SPNS2: variants seen among roughly 807,000 people sequenced by gnomAD.
The protein encoded by SPNS2 is SPNS lysolipid transporter 2, sphingosine-1-phosphate, also known as sphingosine-1-phosphate transporter SPNS2.
Under a neutral mutation model 57.6 loss-of-function variants are expected in SPNS2, and 37 were observed. That is an observed-to-expected ratio of 0.64 (90% CI 0.49 to 0.85). The LOEUF is 0.85. Among genes scored for constraint, SPNS2 ranks in the 40% least tolerant of loss-of-function variants. The probability of loss-of-function intolerance (pLI) is 0.00; values close to 1 mark genes in which losing one functional copy is unlikely to be tolerated. For synonymous variants in SPNS2, 440 were observed against 346.9 expected (o/e 1.27, Z -2.98); for missense variants, 831 against 779.1 (o/e 1.07, Z -0.79).
At chr17:4,528,550 C>A (rs1388383371) in intron 3 of SPNS2, among the ~76,000 whole-genome samples, 1 of 152,018 alleles carries the variant, frequency 6.6e-6, no homozygotes, top group African/African-American at 2.4e-5. Flanking sequence ...GCAACCTCTG[C>A]CACCCCCTCC....
Position 4,530,636 on chromosome 17 carries a change from T to A in SPNS2, c.578T>A (p.Phe193Tyr), listed in dbSNP as rs200919125. ...ATCCTCCACCCCTCCTCACAGTACT[T>A]CTGGCTGCTGGTCCTGTCCCGGGGG... ...FSSSFIPQQY[F>Y]WLLVLSRGLV... is the part of the protein sequence containing the mutation. Residue 193 changes from phenylalanine (F) to tyrosine (Y), a missense_variant, in exon 4 of 13, where the codon TTC becomes TAC. By Grantham distance (22) the Phe-to-Tyr change is conservative. This residue lies in a region of SPNS2 where 305 missense variants were observed against 378.3 expected (regional missense o/e 0.81). Transcript: ENST00000329078. 9.9e-6 allele frequency: 16 copies of A among 1,611,664 alleles called. No homozygotes were observed. Among genetic ancestry groups the A allele is most frequent in the African/African-American group, 1.3e-5 (1 of 74,962 alleles).
Position 4,533,288 on chromosome 17 carries a change from G to A in SPNS2, c.1134G>A (p.Val378=), listed in dbSNP as rs537711988. Residue 378 remains valine (V), a synonymous_variant, in exon 8 of 13, where the codon GTG becomes GTA. Transcript: ENST00000329078. ...AITCFTGFLG[V]VTGAGATRWC... Reference sequence around the variant, plus strand: ...CCTGCTTTACGGGATTTCTGGGCGTGGTCACGGGGGCAGGAGCCACGCGCT... The same window carrying A: ...CCTGCTTTACGGGATTTCTGGGCGTAGTCACGGGGGCAGGAGCCACGCGCT... 5.0e-6 allele frequency: 8 copies of A among 1,610,536 alleles called. No individual in the cohort carries two copies. The African/African-American group carries it at 9.3e-5, about 19-fold the overall frequency.
rs1906064728 is a variant in SPNS2, at chr17:4,539,012, GAAGA to G, written c.*1567_*1570del. ...AGCCAAATATATTCCTCTTGTAAATGAAGAAATAAACCTATTTAAATCACCCCCT... is the reference window on the plus strand; with the variant it reads ...AGCCAAATATATTCCTCTTGTAAATGAATAAACCTATTTAAATCACCCCCT... On this transcript the variant is annotated 3_prime_UTR_variant, in exon 13 of 13. Transcript: ENST00000329078. The G allele has an allele frequency of 2.4e-6, 2 of 821,496 alleles. No homozygotes were observed. Among genetic ancestry groups the G allele is most frequent in the South Asian group, 1.3e-5 (1 of 75,344 alleles). The allele number at this position is 821,496 out of a possible 1,614,324, so 50.9% of individuals were successfully genotyped here. A position where few individuals can be genotyped will look rare whatever the true frequency, so the allele number is the denominator to read the frequency against.
intron 9 of SPNS2, 62 bp downstream of exon 9, chr17:4,533,915 G>GGGT: frequency 7.0e-7 from 1 of 1,428,222 alleles, no homozygotes; most frequent in Non-Finnish European, 9.8e-7. Context: ...CCTCACAGGG[G>GGGT]TGCCTGGGGA....
chr17:4,537,108 G>A (rs943167890), intron 12 of SPNS2, among the ~76,000 whole-genome samples, 162 bp downstream of exon 12: 3 of 152,266 alleles, frequency 2.0e-5, no homozygotes, highest in Non-Finnish European at 4.4e-5. Context: ...TACTGATGGA[G>A]CCATGGGTGG....
intron 3 of SPNS2, among the ~76,000 whole-genome samples, chr17:4,525,864 GCC>G (rs1905251812): frequency 1.3e-5 from 2 of 152,188 alleles, no homozygotes; most frequent in South Asian, 4.1e-4. Context: ...CGAGTGCTCA[GCC>G]AGTCATTGTT....
chr17:4,500,470 G>C (rs1306644509), intron 1 of SPNS2, among the ~76,000 whole-genome samples: 1 of 152,092 alleles, frequency 6.6e-6, no homozygotes, highest in Non-Finnish European at 1.5e-5. Context: ...AAGGACTTTG[G>C]CCAGACTGGC....
In SPNS2 at chr17:4,533,780, C is replaced by G; in HGVS notation, c.1279-8C>G. 6.2e-7 allele frequency: 1 copy of G among 1,613,672 alleles called. No homozygotes were observed. Among genetic ancestry groups the G allele is most frequent in the African/African-American group, 1.3e-5 (1 of 75,038 alleles). On this transcript the variant is annotated splice_polypyrimidine_tract_variant and splice_region_variant and intron_variant, in intron 8 of 12. Transcript: ENST00000329078. Reference sequence around the variant, plus strand: ...CCGCTGATGGTGGCTTTGCCTTCTCCCCGGCAGATCTGTATCTTCGTCGGG... The same window carrying G: ...CCGCTGATGGTGGCTTTGCCTTCTCGCCGGCAGATCTGTATCTTCGTCGGG...
intron 2 of SPNS2, among the ~76,000 whole-genome samples, chr17:4,520,116 C>T (rs906708129): frequency 3.3e-5 from 5 of 152,242 alleles, no homozygotes; most frequent in African/African-American, 1.2e-4. Context: ...GGGCAACTTC[C>T]TCCACCTCTT....
chr17:4,523,073 C>T lies in SPNS2; in HGVS notation c.437-1984C>T, dbSNP rs557908737. Among the ~76,000 whole-genome samples the T allele has an allele frequency of 4.6e-5, 7 of 152,368 alleles. No homozygotes were observed. In the East Asian group the frequency reaches 1.2e-3, roughly 25 times the overall value. Reference sequence around the variant, plus strand: ...GGCCTAGGCACTTGCTGTTCTTGCCCCAATAATTGCGTGATTTGTTTCCTT... The same window carrying T: ...GGCCTAGGCACTTGCTGTTCTTGCCTCAATAATTGCGTGATTTGTTTCCTT... On this transcript the variant is annotated intron_variant, in intron 2 of 12. Transcript: ENST00000329078.
chr17:4,536,579 C>T (rs942220695), intron 11 of SPNS2, 153 bp downstream of exon 11: 8 of 996,684 alleles, frequency 8.0e-6, no homozygotes, highest in Non-Finnish European at 1.2e-5. Flanking sequence ...CCCTGAGGCC[C>T]AGTGCCAGGG....
chr17:4,529,079 G>A (rs748411204), intron 3 of SPNS2, among the ~76,000 whole-genome samples: 3 of 151,770 alleles, frequency 2.0e-5, no homozygotes, highest in Non-Finnish European at 2.9e-5. Context: ...GGGATCACAG[G>A]CACCCGCCAA....
At position 4,537,537 on chromosome 17, in the gene SPNS2, A is replaced by G. The variant is rs964466990; in HGVS notation, c.*89A>G. 1.5e-5 allele frequency: 7 copies of G among 456,640 alleles called. No individual in the cohort carries two copies. The highest frequency in any genetic ancestry group is 2.2e-5 in the Non-Finnish European group (5 of 226,982). 28.3% of individuals were successfully genotyped at this position (456,640 alleles called of 1,614,324 possible). A position where few individuals can be genotyped will look rare whatever the true frequency, so the allele number is the denominator to read the frequency against. On this transcript the variant is annotated 3_prime_UTR_variant, in exon 13 of 13. Coordinates refer to ENST00000329078, the MANE Select transcript of SPNS2 (RefSeq NM_001124758.3). ...GTCCGGGACCGGCTGGGCTGCCCCA[A>G]AGCTTTCTGTGTGATCCACGGCTAG... is the stretch of plus-strand genomic sequence containing the variant.
chr17:4,539,024 C>G lies in SPNS2; in HGVS notation c.*1576C>G, dbSNP rs781089507. 4.7e-6 allele frequency: 4 copies of G among 844,284 alleles called. No individual in the cohort carries two copies. In the African/African-American group the frequency reaches 6.7e-5, roughly 14 times the overall value. 52.3% of individuals were successfully genotyped at this position (844,284 alleles called of 1,614,324 possible). A position where few individuals can be genotyped will look rare whatever the true frequency, so the allele number is the denominator to read the frequency against. On this transcript the variant is annotated 3_prime_UTR_variant, in exon 13 of 13. Transcript: ENST00000329078. ...TCCTCTTGTAAATGAAGAAATAAAC[C>G]TATTTAAATCACCCCCTGGTGGCTC...
At position 4,538,990 on chromosome 17, in the gene SPNS2, C is replaced by T; in HGVS notation, c.*1542C>T. On this transcript the variant is annotated 3_prime_UTR_variant, in exon 13 of 13. Coordinates refer to ENST00000329078, the MANE Select transcript of SPNS2 (RefSeq NM_001124758.3). Reference sequence around the variant, plus strand: ...AATCTCAGAGTCTTAAGAGAGAAGCCAAATATATTCCTCTTGTAAATGAAG... The same window carrying T: ...AATCTCAGAGTCTTAAGAGAGAAGCTAAATATATTCCTCTTGTAAATGAAG... The T allele has an allele frequency of 2.5e-6, 2 of 805,394 alleles. No individual in the cohort carries two copies. Among genetic ancestry groups the T allele is most frequent in the Admixed American group, 1.7e-5 (1 of 59,008 alleles). The allele number at this position is 805,394 out of a possible 1,614,324, so 49.9% of individuals were successfully genotyped here.
At chr17:4,515,565 TCC>T (rs1029238991) in intron 2 of SPNS2, among the ~76,000 whole-genome samples, 1 of 152,092 alleles carries the variant, frequency 6.6e-6, no homozygotes, top group African/African-American at 2.4e-5. Flanking sequence ...CTAGGATGGC[TCC>T]CCAGGGTGCC....
chr17:4,537,799 C>T lies in SPNS2; in HGVS notation c.*351C>T. On this transcript the variant is annotated 3_prime_UTR_variant, in exon 13 of 13. Transcript: ENST00000329078. ...GATCTTGGGCAAGTCCCTGCCCTCC[C>T]TGGAACGAAGGGCCAGGGGGCTGGA... 1 of 455,814 alleles carries T rather than the reference C, an allele frequency of 2.2e-6. No individual in the cohort carries two copies. The highest frequency in any genetic ancestry group is 4.4e-6 in the Non-Finnish European group (1 of 226,212). 28.2% of individuals were successfully genotyped at this position (455,814 alleles called of 1,614,324 possible).
At position 4,525,118 on chromosome 17, in the gene SPNS2, C is replaced by T. The variant is rs754369814; in HGVS notation, c.498C>T (p.Asn166=). ...PIFGYLGDRF[N]RKVILSCGIF... ...TCGGCTACCTGGGCGACCGCTTCAA[C>T]AGGAAGGTGATTCTCAGCTGCGGCA... The change falls in exon 3 of 13, where the codon AAC becomes AAT. Residue 166 remains asparagine, a synonymous_variant. Transcript: ENST00000329078. 6.2e-7 allele frequency: 1 copy of T among 1,614,234 alleles called. No homozygotes were observed. The highest frequency in any genetic ancestry group is 8.5e-7 in the Non-Finnish European group (1 of 1,180,042).
rs886905118 is a variant in SPNS2 at position 4,510,854 on chromosome 17, G to A, written c.371-2393G>A. 4.6e-5 allele frequency among the ~76,000 whole-genome samples: 7 copies of A among 152,210 alleles called. No homozygotes were observed. Among genetic ancestry groups the A allele is most frequent in the African/African-American group, 1.7e-4 (7 of 41,444 alleles). On this transcript the variant is annotated intron_variant, in intron 1 of 12. Transcript: ENST00000329078. The surrounding 1 kb of genome is among the most constrained non-coding windows in gnomAD (Gnocchi z 4.4). Reference sequence around the variant, plus strand: ...GTGTGCTGGGCCCTGGAGGACACCAGCAAACCACGCAGAAGGCAGCGTGGC... The same window carrying A: ...GTGTGCTGGGCCCTGGAGGACACCAACAAACCACGCAGAAGGCAGCGTGGC...
Sources: gnomAD v4.1 joint callset for allele counts (sites outside exome capture counted in the v4.1 genomes callset) on GRCh38, gnomAD v4.1.1 for gene constraint, gnomAD v4.1.1 regional missense constraint, Gnocchi (gnomAD v3.1) non-coding constraint, MANE v1.5 for transcripts, NCBI Gene and HGNC (gene_info 2026-07-23, HGNC 2026-07-21) for gene names.